The following CNTNAP2 variants were observed in gnomAD, a reference collection of about 807,000 sequenced individuals.
CNTNAP2 encodes the protein contactin-associated protein-like 2.
CNTNAP2 carries 98 observed loss-of-function variants against 155.2 expected under a neutral mutation model. That is an observed-to-expected ratio of 0.63 (90% CI 0.54 to 0.75). The LOEUF (loss-of-function observed/expected upper bound fraction) is 0.75. Among genes scored for constraint, CNTNAP2 ranks in the 30% least tolerant of loss-of-function variants. The pLI is 0.00. For synonymous variants in CNTNAP2, 651 were observed against 631.2 expected, an observed-to-expected ratio of 1.03 and a Z score of -0.47; for missense variants, 1,727 against 1,688.1, an observed-to-expected ratio of 1.02 and a Z score of -0.40.
At chr7:146,716,227 A>AG (rs891175010) in intron 1 of CNTNAP2, among the ~76,000 whole-genome samples, 9 of 151,532 alleles carry the variant, frequency 5.9e-5, no homozygotes, top group African/African-American at 1.5e-4. Context: ...AAAAAAAAAA[A>AG]AAAAAGGCAT....
chr7:146,502,176 C>T (rs1379781402), intron 1 of CNTNAP2, among the ~76,000 whole-genome samples: 6 of 129,286 alleles, frequency 4.6e-5, no homozygotes, highest in African/African-American at 1.0e-4. Flanking sequence ...AACAGGATTT[C>T]GTTATTTTTA....
At chr7:147,563,504 A>T (rs930724049) in intron 12 of CNTNAP2, among the ~76,000 whole-genome samples, 2 of 151,906 alleles carry the variant, frequency 1.3e-5, no homozygotes, top group Non-Finnish European at 2.9e-5. Flanking sequence ...TGGCACACAC[A>T]TGTAGTCCCA....
chr7:146,683,059 A>T (rs2129170207), intron 1 of CNTNAP2, among the ~76,000 whole-genome samples: 1 of 144,214 alleles, frequency 6.9e-6, no homozygotes, highest in Non-Finnish European at 1.5e-5. Flanking sequence ...TTTGAGACAG[A>T]GTCTCTCTCT....
At chr7:148,072,587 G>T in intron 15 of CNTNAP2, among the ~76,000 whole-genome samples, 1 of 152,220 alleles carries the variant, frequency 6.6e-6, no homozygotes, top group Non-Finnish European at 1.5e-5. Flanking sequence ...AAAACAGGCA[G>T]CAGGCCATGG....
At chr7:146,617,329 G>T (rs577404013) in intron 1 of CNTNAP2, among the ~76,000 whole-genome samples, 10 of 152,324 alleles carry the variant, frequency 6.6e-5, no homozygotes, top group African/African-American at 2.2e-4. Context: ...ATTCAAATGT[G>T]TTGGAACTGA....
chr7:147,549,543 C>A lies in CNTNAP2; in HGVS notation c.1778-12595C>A, dbSNP rs117963679. Among the ~76,000 whole-genome samples, 88 of 152,232 alleles carry A rather than the reference C, an allele frequency of 5.8e-4. No individual in the cohort carries two copies. The East Asian group carries it at 9.5e-3, about 16-fold the overall frequency. On this transcript the variant is annotated intron_variant, in intron 11 of 23. Transcript: ENST00000361727. Reference sequence around the variant, plus strand: ...TCTAAATATAAAATCATGTCATCTGCAAACAGAGACAACTGGACTTCTAAC... The same window carrying A: ...TCTAAATATAAAATCATGTCATCTGAAAACAGAGACAACTGGACTTCTAAC...
intron 1 of CNTNAP2, among the ~76,000 whole-genome samples, chr7:146,637,669 T>C (rs531232491): frequency 6.6e-6 from 1 of 152,284 alleles, no homozygotes; most frequent in East Asian, 1.9e-4. Context: ...AGTTTTGAAG[T>C]TGAACACACA....
chr7:147,853,041 TG>T lies in CNTNAP2; in HGVS notation c.2099-50523del, dbSNP rs552346112. 7.7e-4 allele frequency among the ~76,000 whole-genome samples: 118 copies of T among 152,314 alleles called. 3 individuals carry two copies. In the South Asian group the frequency reaches 0.02, roughly 25 times the overall value. ...TTAAATTCTCCAGGAAGAAAGGGCT[TG>T]TCAATAAAGTGTCTTTTTAAGTCAC... is the stretch of plus-strand genomic sequence containing the variant. On this transcript the variant is annotated intron_variant, in intron 13 of 23. Coordinates refer to ENST00000361727, the MANE Select transcript of CNTNAP2 (RefSeq NM_014141.6).
chr7:147,475,792 T>C (rs769249761), intron 10 of CNTNAP2, among the ~76,000 whole-genome samples: 5 of 152,232 alleles, frequency 3.3e-5, no homozygotes, highest in Non-Finnish European at 7.3e-5. Flanking sequence ...ATCTGGAATT[T>C]ATTTTGGCAA....
At chr7:146,963,442 G>A (rs967415279) in intron 3 of CNTNAP2, among the ~76,000 whole-genome samples, 1 of 152,102 alleles carries the variant, frequency 6.6e-6, no homozygotes, top group African/African-American at 2.4e-5. Flanking sequence ...TACTTCCTGA[G>A]TCTCAAAATG....
chr7:147,202,496 C>A (rs1255231048), intron 8 of CNTNAP2, among the ~76,000 whole-genome samples: 1 of 152,046 alleles, frequency 6.6e-6, no homozygotes, highest in Non-Finnish European at 1.5e-5. Context: ...GGTACAGTAT[C>A]AAACTGTCCA....
In CNTNAP2 at chr7:147,839,760, A is replaced by G. The variant is rs548260114; in HGVS notation, c.2099-63805A>G. Among the ~76,000 whole-genome samples, 10 of 152,308 alleles carry G rather than the reference A, an allele frequency of 6.6e-5. No homozygotes were observed. The South Asian group carries it at 1.9e-3, about 28-fold the overall frequency. ...CTGGGCGTCTACTCAGAATAAAAGAAATCATTATATAAAAAGGATGCCTGC... is the reference window on the plus strand; with the variant it reads ...CTGGGCGTCTACTCAGAATAAAAGAGATCATTATATAAAAAGGATGCCTGC... On this transcript the variant is annotated intron_variant, in intron 13 of 23. Transcript: ENST00000361727.
chr7:146,303,111 C>T (rs1376389135), intron 1 of CNTNAP2, among the ~76,000 whole-genome samples: 1 of 149,904 alleles, frequency 6.7e-6, no homozygotes, highest in Non-Finnish European at 1.5e-5. Flanking sequence ...TGTGTGTGCG[C>T]ATGCATACAT....
intron 13 of CNTNAP2, among the ~76,000 whole-genome samples, chr7:147,789,703 GGGCAAGAAAAA>G (rs1797790841): frequency 6.6e-6 from 1 of 152,208 alleles, no homozygotes; most frequent in Admixed American, 6.5e-5. Context: ...GCTGCTAGCA[GGGCAAGAAAAA>G]GCAGGCGGAA....
At chr7:148,077,172 G>A (rs188912703) in intron 15 of CNTNAP2, among the ~76,000 whole-genome samples, 3 of 151,928 alleles carry the variant, frequency 2.0e-5, no homozygotes, top group East Asian at 3.9e-4. Flanking sequence ...CCAGGTGTGG[G>A]GGTACATGCC....
chr7:147,698,674 C>G (rs774009470), intron 13 of CNTNAP2, among the ~76,000 whole-genome samples: 1 of 152,108 alleles, frequency 6.6e-6, no homozygotes, highest in Non-Finnish European at 1.5e-5. Context: ...GATTTCCCCA[C>G]CTCAGCCTCC....
At chr7:146,198,935 A>G (rs1239858823) in intron 1 of CNTNAP2, among the ~76,000 whole-genome samples, 1 of 152,204 alleles carries the variant, frequency 6.6e-6, no homozygotes, top group Non-Finnish European at 1.5e-5. Flanking sequence ...TTATCTTAAT[A>G]TATCAACATA....
intron 21 of CNTNAP2, among the ~76,000 whole-genome samples, chr7:148,309,162 T>C (rs893622025): frequency 1.3e-5 from 2 of 152,184 alleles, no homozygotes; most frequent in South Asian, 2.1e-4. Context: ...AAAGCCTAGA[T>C]TTTCTAGAGG....
chr7:146,510,966 G>A (rs1426052846), intron 1 of CNTNAP2, among the ~76,000 whole-genome samples: 3 of 152,012 alleles, frequency 2.0e-5, no homozygotes, highest in African/African-American at 7.2e-5. Flanking sequence ...GCCTGATCTC[G>A]GCTCACTGCA....
Sources: gnomAD v4.1 joint callset for allele counts (sites outside exome capture counted in the v4.1 genomes callset) on GRCh38, gnomAD v4.1.1 for gene constraint, MANE v1.5 for transcripts, NCBI Gene and HGNC (gene_info 2026-07-23, HGNC 2026-07-21) for gene names.